The following EFCC1 variants were observed in gnomAD, a reference collection of about 807,000 sequenced individuals.
The protein encoded by EFCC1 is EF-hand and coiled-coil domain containing 1, also known as EF-hand and coiled-coil domain-containing protein 1.
EFCC1 carries 50 observed loss-of-function variants against 52.1 expected under a neutral mutation model. The ratio of observed to expected loss-of-function variants is 0.96; its 90% CI spans 0.76 to 1.21. The LOEUF (loss-of-function observed/expected upper bound fraction) is 1.21. Ranked by LOEUF, EFCC1 falls within the 50% of genes most tolerant of loss-of-function variation. EFCC1 has a pLI of 0.00. For synonymous variants in EFCC1, 399 were observed against 396.5 expected (o/e 1.01, Z -0.08); for missense variants, 837 against 867.3 (o/e 0.97, Z 0.44).
chr3:129,035,958 C>T (rs958595367), intron 5 of EFCC1, among the ~76,000 whole-genome samples: 1 of 152,206 alleles, frequency 6.6e-6, no homozygotes, highest in Non-Finnish European at 1.5e-5. Context: ...CCACGGCTGT[C>T]CCTGTTTCTA....
At chr3:129,038,271 G>A (rs1364937544) in intron 6 of EFCC1, among the ~76,000 whole-genome samples, 2 of 152,272 alleles carry the variant, frequency 1.3e-5, no homozygotes, top group South Asian at 2.1e-4. Context: ...GAGCTGCCGA[G>A]GTCCAGCCCA....
At position 129,007,357 on chromosome 3, in the gene EFCC1, G is replaced by T. The variant is rs1414434677; in HGVS notation, c.980+3280G>T. Among the ~76,000 whole-genome samples, 3 of 152,292 alleles carry T rather than the reference G, an allele frequency of 2.0e-5. No homozygotes were observed. The East Asian group carries it at 5.8e-4, about 29-fold the overall frequency. ...TCTAGAGGAATTACCGGGAGGAAAG[G>T]GCCCCATGCCCCAAACAGTAGAGCC... On this transcript the variant is annotated intron_variant, in intron 2 of 7. Transcript: ENST00000683648.
intron 2 of EFCC1, among the ~76,000 whole-genome samples, chr3:129,027,968 A>G (rs1053478273): frequency 3.9e-5 from 6 of 152,228 alleles, no homozygotes; most frequent in African/African-American, 1.4e-4. Context: ...AATAAATAAT[A>G]AAATAAAAAT....
In EFCC1 at chr3:129,038,748, C is replaced by A. The variant is rs574287825; in HGVS notation, c.1594-83C>A. The A allele has an allele frequency of 6.5e-6, 9 of 1,391,492 alleles. No individual in the cohort carries two copies. In the African/African-American group the frequency reaches 9.9e-5, roughly 15 times the overall value. The allele number at this position is 1,391,492 out of a possible 1,614,324, so 86.2% of individuals were successfully genotyped here. ...CTGTCCCCAGGGAGCTGCCTAGAAG[C>A]CCGTAGGGGCCACCAGTTCCCATCG... On this transcript the variant is annotated intron_variant, in intron 6 of 7. Coordinates refer to ENST00000683648, the MANE Select transcript of EFCC1 (RefSeq NM_001377500.1).
intron 2 of EFCC1, among the ~76,000 whole-genome samples, chr3:129,025,734 A>G (rs1345438308): frequency 6.8e-6 from 1 of 146,658 alleles, no homozygotes; most frequent in African/African-American, 2.5e-5. Context: ...TGGTCACTAG[A>G]CAACAGTAGC....
At position 129,001,416 on chromosome 3, in the gene EFCC1, C is replaced by G. The variant is rs1317634076; in HGVS notation, c.-213C>G. Reference sequence around the variant, plus strand: ...GGCGCTGCCGGGGTCCCGGGGGTTCCTGGACCCCCTACCCCAGGCCCCTCC... The same window carrying G: ...GGCGCTGCCGGGGTCCCGGGGGTTCGTGGACCCCCTACCCCAGGCCCCTCC... On this transcript the variant is annotated 5_prime_UTR_variant, in exon 1 of 8. Coordinates refer to ENST00000683648, the MANE Select transcript of EFCC1 (RefSeq NM_001377500.1). 6.6e-6 allele frequency among the ~76,000 whole-genome samples: 1 copy of G among 152,202 alleles called. No individual in the cohort carries two copies. Among genetic ancestry groups the G allele is most frequent in the East Asian group, 1.9e-4 (1 of 5,186 alleles).
chr3:129,003,785 TC>T lies in EFCC1; in HGVS notation c.697-5del. On this transcript the variant is annotated splice_region_variant and splice_polypyrimidine_tract_variant and intron_variant, in intron 1 of 7. Coordinates refer to ENST00000683648, the MANE Select transcript of EFCC1 (RefSeq NM_001377500.1). ...CTTACCCCCTGCCCCTGCTGCCCTG[TC>T]CCCGCAGGTCGGACTCTGGAAGAGC... The T allele has an allele frequency of 1.4e-6, 2 of 1,433,858 alleles. No individual in the cohort carries two copies. The highest frequency in any genetic ancestry group is 1.8e-6 in the Non-Finnish European group (2 of 1,098,272). The allele number at this position is 1,433,858 out of a possible 1,614,324, so 88.8% of individuals were successfully genotyped here. A position where few individuals can be genotyped will look rare whatever the true frequency, so the allele number is the denominator to read the frequency against.
At chr3:129,012,183 C>T (rs1021566098) in intron 2 of EFCC1, among the ~76,000 whole-genome samples, 2 of 152,232 alleles carry the variant, frequency 1.3e-5, no homozygotes, top group African/African-American at 4.8e-5. Flanking sequence ...TAGGAAGCTT[C>T]AGCTCAACTT....
chr3:129,026,526 C>A (rs1427448926), intron 2 of EFCC1, among the ~76,000 whole-genome samples: 1 of 152,220 alleles, frequency 6.6e-6, no homozygotes, highest in African/African-American at 2.4e-5. Flanking sequence ...TCTTCATCAG[C>A]AGTTCCTGCG....
Position 129,037,051 on chromosome 3 carries a change from G to A in EFCC1, c.1527G>A (p.Val509=). 1 of 1,613,794 alleles carries A rather than the reference G, an allele frequency of 6.2e-7. No individual in the cohort carries two copies. Among genetic ancestry groups the A allele is most frequent in the Non-Finnish European group, 8.5e-7 (1 of 1,179,970 alleles). ...TGCAGATGGTAGAGACCGAGAGGGTGCGGCTGTCCCTGCTGGAGGAGAAGC... is the reference window on the plus strand; with the variant it reads ...TGCAGATGGTAGAGACCGAGAGGGTACGGCTGTCCCTGCTGGAGGAGAAGC... The part of the protein sequence containing the change: ...LELQMVETER[V]RLSLLEEKLV... The change falls in exon 6 of 8, where the codon GTG becomes GTA. Residue 509 remains valine, a synonymous_variant. Coordinates refer to ENST00000683648, the MANE Select transcript of EFCC1 (RefSeq NM_001377500.1).
At chr3:129,021,662 T>C (rs1443122637) in intron 2 of EFCC1, among the ~76,000 whole-genome samples, 1 of 152,196 alleles carries the variant, frequency 6.6e-6, no homozygotes, top group East Asian at 1.9e-4. Flanking sequence ...TATCAATCCA[T>C]CTATCAATCT....
At position 129,014,378 on chromosome 3, in the gene EFCC1, T is replaced by C. The variant is rs1945473283; in HGVS notation, c.980+10301T>C. 6.6e-6 allele frequency among the ~76,000 whole-genome samples: 1 copy of C among 152,094 alleles called. No individual in the cohort carries two copies. Among genetic ancestry groups the C allele is most frequent in the Admixed American group, 6.5e-5 (1 of 15,274 alleles). On this transcript the variant is annotated intron_variant, in intron 2 of 7. Coordinates refer to ENST00000683648, the MANE Select transcript of EFCC1 (RefSeq NM_001377500.1). This position sits in a 1 kb window ranked among gnomAD's most constrained non-coding sequence, Gnocchi z 4.3. Reference sequence around the variant, plus strand: ...CCACAGCTGTGGAGGCTGACCAGAGTGCGGTGTCGCAGCGTTGGCTTCTCC... The same window carrying C: ...CCACAGCTGTGGAGGCTGACCAGAGCGCGGTGTCGCAGCGTTGGCTTCTCC...
intron 2 of EFCC1, 116 bp downstream of exon 2, chr3:129,004,193 G>T: frequency 8.3e-7 from 1 of 1,203,390 alleles, no homozygotes; most frequent in Non-Finnish European, 1.1e-6. Context: ...TTCTCCATGC[G>T]TTTATTCATG....
intron 2 of EFCC1, among the ~76,000 whole-genome samples, chr3:129,024,443 A>C (rs1049619788): frequency 1.3e-5 from 2 of 152,160 alleles, no homozygotes; most frequent in East Asian, 3.9e-4. Flanking sequence ...AGGCAGGAGA[A>C]TCACTTGAAC....
intron 6 of EFCC1, among the ~76,000 whole-genome samples, chr3:129,037,709 A>G (rs1229989464): frequency 6.6e-6 from 1 of 152,194 alleles, no homozygotes; most frequent in Admixed American, 6.5e-5. Flanking sequence ...AGGGCTCTCA[A>G]CCAAATACTT....
intron 1 of EFCC1, among the ~76,000 whole-genome samples, chr3:129,003,033 C>T (rs931625239): frequency 6.6e-6 from 1 of 152,174 alleles, no homozygotes; most frequent in Non-Finnish European, 1.5e-5. Context: ...CAGTGCTGGG[C>T]CGCAGGGGTC....
At position 129,003,947 on chromosome 3, in the gene EFCC1, C is replaced by A. The variant is rs780372831; in HGVS notation, c.850C>A (p.Arg284Ser). 1 of 1,409,254 alleles carries A rather than the reference C, an allele frequency of 7.1e-7. No individual in the cohort carries two copies. The highest frequency in any genetic ancestry group is 3.0e-5 in the Admixed American group (1 of 33,532). The allele number at this position is 1,409,254 out of a possible 1,614,324, so 87.3% of individuals were successfully genotyped here. Residue 284 changes from arginine to serine, a missense_variant, in exon 2 of 8, where the codon CGC becomes AGC. Coordinates refer to ENST00000683648, the MANE Select transcript of EFCC1 (RefSeq NM_001377500.1). The stretch of plus-strand genomic sequence containing the variant: ...CCGTGGCCAGGCCGAGGTGCGGCGG[C>A]GCGCGGAGGAGGCCCGGCAGGTGGT... ...LRRGQAEVRR[R>S]AEEARQVVLR...
intron 2 of EFCC1, among the ~76,000 whole-genome samples, chr3:129,015,762 TCCTC>T (rs1279676754): frequency 2.0e-5 from 3 of 149,644 alleles, no homozygotes. Flanking sequence ...TTTCCGCCCT[TCCTC>T]TGCTGCATCC....
Position 129,033,042 on chromosome 3 carries a change from G to T in EFCC1, c.1286+76G>T, listed in dbSNP as rs1297029591. 4 of 1,430,594 alleles carry T rather than the reference G, an allele frequency of 2.8e-6. No homozygotes were observed. In the Admixed American group the frequency reaches 8.4e-5, roughly 30 times the overall value. 88.6% of individuals were successfully genotyped at this position (1,430,594 alleles called of 1,614,324 possible). ...GTCTGGGGAAGCCAGGAGCACCTGG[G>T]AGGCTGGTTAGCCTGGCTCAGCCAC... On this transcript the variant is annotated intron_variant, in intron 4 of 7. Transcript: ENST00000683648.
Sources: gnomAD v4.1 joint callset for allele counts (sites outside exome capture counted in the v4.1 genomes callset) on GRCh38, gnomAD v4.1.1 for gene constraint, Gnocchi (gnomAD v3.1) non-coding constraint, MANE v1.5 for transcripts, NCBI Gene and HGNC (gene_info 2026-07-23, HGNC 2026-07-21) for gene names.